The following GPR137B variants were observed in gnomAD, a reference collection of about 807,000 sequenced individuals.
GPR137B encodes integral membrane protein GPR137B.
In GPR137B, 42 loss-of-function variants were observed where a neutral mutation model predicts 42.5. The ratio of observed to expected loss-of-function variants is 0.99; its 90% CI spans 0.77 to 1.28. The LOEUF (loss-of-function observed/expected upper bound fraction) is 1.28, where lower values mean the gene tolerates loss of function less well. Among genes scored for constraint, GPR137B ranks in the 50% most tolerant of loss-of-function variants. GPR137B has a pLI of 0.00. For missense variants in GPR137B, 487 were observed against 493.9 expected (o/e 0.99, Z 0.13); for synonymous variants, 218 against 209.7 (o/e 1.04, Z -0.34).
chr1:236,183,104 C>A (rs148343789), intron 4 of GPR137B, among the ~76,000 whole-genome samples: 39 of 152,250 alleles, frequency 2.6e-4, no homozygotes, highest in Middle Eastern at 3.4e-3. Flanking sequence ...CCTCAGGAAC[C>A]TTCTGTCTGT....
chr1:236,143,898 G>A, intron 1 of GPR137B, among the ~76,000 whole-genome samples: 1 of 152,148 alleles, frequency 6.6e-6, no homozygotes, highest in East Asian at 1.9e-4. Flanking sequence ...TTAATAACGC[G>A]GTGCCGCCGT....
At position 236,208,308 on chromosome 1, in the gene GPR137B, T is replaced by C; in HGVS notation, c.*150T>C. ...CCAATGGCCCCATAGGAATAAGCAA[T>C]AATGTAGACTGATAAACCCTTATTT... On this transcript the variant is annotated 3_prime_UTR_variant, in exon 7 of 7. Coordinates refer to ENST00000366592, the MANE Select transcript of GPR137B (RefSeq NM_003272.4). 3 of 1,420,224 alleles carry C rather than the reference T, an allele frequency of 2.1e-6. No homozygotes were observed. The highest frequency in any genetic ancestry group is 2.8e-6 in the Non-Finnish European group (3 of 1,089,934). 88.0% of individuals were successfully genotyped at this position (1,420,224 alleles called of 1,614,324 possible).
chr1:236,175,658 C>T (rs1048742023), intron 2 of GPR137B, among the ~76,000 whole-genome samples: 1 of 152,196 alleles, frequency 6.6e-6, no homozygotes, highest in African/African-American at 2.4e-5. Context: ...CCATACCCCC[C>T]TCCCCTGATT....
intron 6 of GPR137B, among the ~76,000 whole-genome samples, chr1:236,207,845 A>G (rs1040398337): frequency 1.3e-5 from 2 of 152,104 alleles, no homozygotes; most frequent in African/African-American, 4.8e-5. Context: ...TCTGTGCTCT[A>G]AAGAGTTCAG....
At chr1:236,181,225 G>A (rs954036753) in intron 4 of GPR137B, among the ~76,000 whole-genome samples, 1 of 152,060 alleles carries the variant, frequency 6.6e-6, no homozygotes, top group African/African-American at 2.4e-5. Context: ...TATAAGTTAC[G>A]AGTCATAAAG....
At chr1:236,183,067 G>C (rs544538693) in intron 4 of GPR137B, among the ~76,000 whole-genome samples, 1 of 152,234 alleles carries the variant, frequency 6.6e-6, no homozygotes, top group African/African-American at 2.4e-5. Context: ...GGGCCTTTAC[G>C]ATTGCCCAAA....
intron 5 of GPR137B, among the ~76,000 whole-genome samples, chr1:236,202,883 G>GT (rs1429508412): frequency 6.6e-6 from 1 of 152,026 alleles, no homozygotes; most frequent in Non-Finnish European, 1.5e-5. Flanking sequence ...TTTGATTTTT[G>GT]TATCTGGTGA....
intron 5 of GPR137B, among the ~76,000 whole-genome samples, chr1:236,200,737 T>C (rs182907548): frequency 6.6e-6 from 1 of 152,144 alleles, no homozygotes; most frequent in Admixed American, 6.5e-5. Context: ...TGAGTACTTA[T>C]GCATTAGTTG....
intron 1 of GPR137B, among the ~76,000 whole-genome samples, chr1:236,149,093 G>C (rs920845662): frequency 2.6e-5 from 4 of 152,110 alleles, no homozygotes; most frequent in Admixed American, 2.6e-4. Context: ...CTCTTGCTTC[G>C]ACACCCAGCC....
chr1:236,161,754 AT>A (rs1052103484), intron 1 of GPR137B, among the ~76,000 whole-genome samples: 2 of 150,878 alleles, frequency 1.3e-5, no homozygotes, highest in Non-Finnish European at 3.0e-5. Context: ...CTTCCTCCTC[AT>A]TTTTTTTCTC....
chr1:236,180,506 C>T (rs1013842801), intron 4 of GPR137B, among the ~76,000 whole-genome samples: 3 of 152,162 alleles, frequency 2.0e-5, no homozygotes, highest in Non-Finnish European at 2.9e-5. Context: ...GGGATCACAG[C>T]ACCTGCCTTG....
intron 1 of GPR137B, among the ~76,000 whole-genome samples, 160 bp downstream of exon 1, chr1:236,143,196 T>C (rs1661580893): frequency 6.6e-6 from 1 of 152,188 alleles, no homozygotes; most frequent in African/African-American, 2.4e-5. Flanking sequence ...CCCTGTCCTG[T>C]TTGCGGGCAT....
At chr1:236,165,685 T>G (rs1662330320) in intron 1 of GPR137B, among the ~76,000 whole-genome samples, 1 of 152,234 alleles carries the variant, frequency 6.6e-6, no homozygotes, top group South Asian at 2.1e-4. Flanking sequence ...TTAGGAAGAC[T>G]GTAATTGGTC....
chr1:236,157,248 G>A (rs1662057688), intron 1 of GPR137B, among the ~76,000 whole-genome samples: 4 of 144,690 alleles, frequency 2.8e-5, no homozygotes, highest in Admixed American at 2.1e-4. Flanking sequence ...TTTTTGAGAC[G>A]GAGTCCCGCT....
chr1:236,200,529 T>G (rs1446974203), intron 5 of GPR137B, among the ~76,000 whole-genome samples: 1 of 152,022 alleles, frequency 6.6e-6, no homozygotes, highest in Admixed American at 6.5e-5. Context: ...GGGGCTCCCA[T>G]ATTAGGTGCA....
chr1:236,177,282 T>C (rs1281516878), intron 2 of GPR137B, among the ~76,000 whole-genome samples: 1 of 152,106 alleles, frequency 6.6e-6, no homozygotes, highest in African/African-American at 2.4e-5. Context: ...CAAGGTCTCT[T>C]TGGGCCATAT....
At chr1:236,143,232 C>A (rs1558475611) in intron 1 of GPR137B, among the ~76,000 whole-genome samples, 196 bp downstream of exon 1, 1 of 152,238 alleles carries the variant, frequency 6.6e-6, no homozygotes, top group African/African-American at 2.4e-5. Context: ...CCCTGCCATT[C>A]CCAAAAGGGG....
chr1:236,180,181 T>C (rs1406102415), intron 4 of GPR137B, 153 bp downstream of exon 4: 1 of 613,622 alleles, frequency 1.6e-6, no homozygotes, highest in Non-Finnish European at 3.0e-6. Context: ...CACGCATCCT[T>C]CTGTATACTT....
chr1:236,168,674 C>G, intron 1 of GPR137B, 32 bp from the exon 2 acceptor site: 1 of 1,586,500 alleles, frequency 6.3e-7, no homozygotes, highest in African/African-American at 1.3e-5. Context: ...ACATATTGGA[C>G]CCCAACCTGC....
Sources: allele counts gnomAD v4.1 joint callset (sites outside exome capture counted in the v4.1 genomes callset), GRCh38; gene constraint gnomAD v4.1.1; transcripts MANE v1.5; gene names NCBI Gene and HGNC (gene_info 2026-07-23, HGNC 2026-07-21).